Variants in LRGUK observed in about 807,000 individuals in gnomAD.
LRGUK encodes the protein leucine-rich repeat and guanylate kinase domain-containing protein.
Under a neutral mutation model 76.0 loss-of-function variants are expected in LRGUK, and 65 were observed. The observed-to-expected ratio is 0.85, with a 90% CI of 0.70 to 1.05. LRGUK has a LOEUF of 1.05. Among genes scored for constraint, LRGUK ranks in the 50% least tolerant of loss-of-function variants. LRGUK has a pLI of 0.00. For synonymous variants in LRGUK, 268 were observed against 265.6 expected, an observed-to-expected ratio of 1.01 and a Z score of -0.09; for missense variants, 758 against 732.8, an observed-to-expected ratio of 1.03 and a Z score of -0.40.
At chr7:134,131,998 T>C (rs1272526537) in intron 1 of LRGUK, among the ~76,000 whole-genome samples, 4 of 152,012 alleles carry the variant, frequency 2.6e-5, no homozygotes, top group Admixed American at 6.5e-5. Context: ...TGGGAAGGAC[T>C]GGTAAGAGAA....
chr7:134,128,840 G>T (rs188298430), intron 1 of LRGUK, among the ~76,000 whole-genome samples: 1 of 152,058 alleles, frequency 6.6e-6, no homozygotes, highest in African/African-American at 2.4e-5. Context: ...GTGAGCCACC[G>T]CACCCGGCCT....
chr7:134,178,255 C>T (rs766450859), intron 9 of LRGUK, among the ~76,000 whole-genome samples: 9 of 151,744 alleles, frequency 5.9e-5, no homozygotes, highest in Non-Finnish European at 1.0e-4. Flanking sequence ...CCCTCCCAAA[C>T]CAGGCAGAAT....
intron 15 of LRGUK, among the ~76,000 whole-genome samples, chr7:134,218,248 T>C (rs571717454): frequency 5.3e-5 from 8 of 152,218 alleles, no homozygotes; most frequent in Admixed American, 1.3e-4. Context: ...AAAGCCCCAT[T>C]TGAGTGGGGA....
chr7:134,275,881 G>T, the LRGUK span, among the ~76,000 whole-genome samples: 1 of 152,096 alleles, frequency 6.6e-6, no homozygotes, highest in Non-Finnish European at 1.5e-5. Flanking sequence ...GGCACAAAAA[G>T]GACAAGGATA....
chr7:134,196,921 A>G, intron 12 of LRGUK, 71 bp from the exon 13 acceptor site: 3 of 806,262 alleles, frequency 3.7e-6, no homozygotes, highest in Non-Finnish European at 6.2e-6. Context: ...TAAGACATCA[A>G]ATGATTTGAG....
chr7:134,259,621 T>C (rs1252745122), intron 19 of LRGUK, among the ~76,000 whole-genome samples: 1 of 152,172 alleles, frequency 6.6e-6, no homozygotes, highest in Admixed American at 6.5e-5. Flanking sequence ...TGGACTCCCC[T>C]TCACTGCAGT....
chr7:134,203,998 G>A (rs1800898342), intron 15 of LRGUK, among the ~76,000 whole-genome samples: 1 of 152,158 alleles, frequency 6.6e-6, no homozygotes, highest in Admixed American at 6.5e-5. Context: ...CCTGATCCCT[G>A]AGCCAGGCTT....
intron 16 of LRGUK, among the ~76,000 whole-genome samples, chr7:134,237,910 G>A (rs1246798833): frequency 2.0e-5 from 3 of 152,080 alleles, no homozygotes; most frequent in African/African-American, 7.2e-5. Context: ...GAAAGACACA[G>A]GAGATGATAC....
At chr7:134,272,973 G>C in the LRGUK span, among the ~76,000 whole-genome samples, 1 of 152,118 alleles carries the variant, frequency 6.6e-6, no homozygotes, top group East Asian at 1.9e-4. Flanking sequence ...GGGTTTCAAG[G>C]CATCAGGGGA....
chr7:134,247,718 T>C, intron 17 of LRGUK, 74 bp downstream of exon 17: 1 of 1,205,654 alleles, frequency 8.3e-7, no homozygotes, highest in Admixed American at 1.8e-5. Context: ...TCCTAAATCG[T>C]GAACATAAAC....
At chr7:134,245,180 TATA>T (rs1413031841) in intron 16 of LRGUK, among the ~76,000 whole-genome samples, 1 of 152,068 alleles carries the variant, frequency 6.6e-6, no homozygotes, top group Non-Finnish European at 1.5e-5. Context: ...GAACTTAAAG[TATA>T]ATAATAAAAA....
At chr7:134,204,362 C>T (rs1800915526) in intron 15 of LRGUK, among the ~76,000 whole-genome samples, 1 of 152,152 alleles carries the variant, frequency 6.6e-6, no homozygotes, top group Admixed American at 6.5e-5. Context: ...TGAGGTTAGG[C>T]TTGGCTGATT....
chr7:134,138,961 A>T (rs1189129649), intron 2 of LRGUK, among the ~76,000 whole-genome samples: 1 of 151,526 alleles, frequency 6.6e-6, no homozygotes, highest in East Asian at 2.0e-4. Flanking sequence ...ATCAGATGAG[A>T]TTATTGTGAA....
At chr7:134,263,943 A>G (rs763614692) in exon 20 of LRGUK, 5 of 1,611,666 alleles carry the variant, frequency 3.1e-6, no homozygotes, top group Non-Finnish European at 3.4e-6. Flanking sequence ...CGTCAAACCC[A>G]CCCTCCCTCC....
intron 6 of LRGUK, among the ~76,000 whole-genome samples, 157 bp from the exon 7 acceptor site, chr7:134,163,240 G>A (rs1339858903): frequency 2.0e-5 from 3 of 152,184 alleles, no homozygotes. Flanking sequence ...TAGGTGTTTA[G>A]AGAGGTGAAT....
intron 3 of LRGUK, among the ~76,000 whole-genome samples, chr7:134,140,086 A>C (rs1368306739): frequency 6.6e-6 from 1 of 152,148 alleles, no homozygotes; most frequent in Admixed American, 6.6e-5. Context: ...ATCCTGCCTC[A>C]GCCTCTGGAG....
At chr7:134,144,900 G>C (rs554410830) in intron 4 of LRGUK, among the ~76,000 whole-genome samples, 5 of 152,140 alleles carry the variant, frequency 3.3e-5, no homozygotes, top group Non-Finnish European at 7.3e-5. Flanking sequence ...AATTTGCAAA[G>C]CTGTTTTGAT....
exon 15 of LRGUK, chr7:134,201,573 G>T: frequency 6.2e-7 from 1 of 1,610,148 alleles, no homozygotes; most frequent in Non-Finnish European, 8.5e-7. Flanking sequence ...GGCTACAACT[G>T]CAGGTACTAT....
At chr7:134,232,795 A>G (rs927968174) in intron 16 of LRGUK, among the ~76,000 whole-genome samples, 1 of 152,206 alleles carries the variant, frequency 6.6e-6, no homozygotes, top group African/African-American at 2.4e-5. Flanking sequence ...ATAATTTAAT[A>G]AAATATCCAA....
Sources: gnomAD v4.1 joint callset for allele counts (sites outside exome capture counted in the v4.1 genomes callset) on GRCh38, gnomAD v4.1.1 for gene constraint, MANE v1.5 for transcripts, NCBI Gene and HGNC (gene_info 2026-07-23, HGNC 2026-07-21) for gene names.